The following CSGALNACT1 variants were observed in gnomAD, a reference collection of about 807,000 sequenced individuals.
CSGALNACT1 encodes chondroitin sulfate N-acetylgalactosaminyltransferase 1.
In CSGALNACT1, 52 loss-of-function variants were observed where a neutral mutation model predicts 51.0. The ratio of observed to expected loss-of-function variants is 1.02; its 90% confidence interval spans 0.82 to 1.29. CSGALNACT1 has a LOEUF of 1.29. Among genes scored for constraint, CSGALNACT1 ranks in the 50% most tolerant of loss-of-function variants. CSGALNACT1 has a pLI of 0.00. For missense variants in CSGALNACT1, 935 were observed against 679.2 expected (o/e 1.38, Z -4.19); for synonymous variants, 341 against 254.4 (o/e 1.34, Z -3.24).
intron 5 of CSGALNACT1, among the ~76,000 whole-genome samples, chr8:19,444,673 T>G (rs954933651): frequency 6.6e-6 from 1 of 152,210 alleles, no homozygotes; most frequent in Non-Finnish European, 1.5e-5. Context: ...TGATGACACC[T>G]AAAAGAAATG....
At chr8:19,579,790 T>C (rs1191143763) in intron 3 of CSGALNACT1, among the ~76,000 whole-genome samples, 3 of 152,170 alleles carry the variant, frequency 2.0e-5, no homozygotes, top group Non-Finnish European at 4.4e-5. Context: ...TTGATACAAA[T>C]AGATAATACT....
At chr8:19,431,647 G>C (rs532119768) in intron 6 of CSGALNACT1, among the ~76,000 whole-genome samples, 1 of 152,088 alleles carries the variant, frequency 6.6e-6, no homozygotes, top group East Asian at 1.9e-4. Flanking sequence ...GTCTTTGTCT[G>C]GTTAGGTTAT....
chr8:19,546,249 T>G (rs904579736), intron 3 of CSGALNACT1, among the ~76,000 whole-genome samples: 2 of 152,202 alleles, frequency 1.3e-5, no homozygotes, highest in African/African-American at 4.8e-5. Flanking sequence ...AAAACATGAT[T>G]AATCGTGTTT....
intron 3 of CSGALNACT1, among the ~76,000 whole-genome samples, chr8:19,568,411 T>C (rs6996750): frequency 0.23 from 34,425 of 152,044 alleles, 7,289 homozygotes; most frequent in African/African-American, 0.56. Context: ...TATATGTGAT[T>C]CATCATTGAC....
intron 3 of CSGALNACT1, among the ~76,000 whole-genome samples, chr8:19,555,156 T>A (rs968559056): frequency 1.6e-4 from 24 of 151,744 alleles, no homozygotes; most frequent in African/African-American, 5.8e-4. Context: ...GGAAAATAGC[T>A]TGAACCCAGG....
chr8:19,718,100 G>C (rs1386305273), intron 1 of CSGALNACT1, among the ~76,000 whole-genome samples: 1 of 152,020 alleles, frequency 6.6e-6, no homozygotes, highest in Non-Finnish European at 1.5e-5. Flanking sequence ...AGCATAACAG[G>C]CCTTCTTTTT....
At chr8:19,654,461 A>T (rs11779629) in intron 1 of CSGALNACT1, among the ~76,000 whole-genome samples, 4,191 of 152,318 alleles carry the variant, frequency 0.028, 90 homozygotes, top group Non-Finnish European at 0.044. Context: ...CAACTCCTTA[A>T]TGGTTGAGTG....
intron 1 of CSGALNACT1, among the ~76,000 whole-genome samples, chr8:19,723,841 T>C (rs191368605): frequency 2.6e-5 from 4 of 152,260 alleles, no homozygotes; most frequent in East Asian, 3.9e-4. Flanking sequence ...CAAATGAAAA[T>C]ATAAACAGTT....
At chr8:19,612,668 C>G (rs994541477) in intron 1 of CSGALNACT1, among the ~76,000 whole-genome samples, 1 of 152,018 alleles carries the variant, frequency 6.6e-6, no homozygotes, top group Non-Finnish European at 1.5e-5. Flanking sequence ...ATTCCATTCT[C>G]CTTGTGTAGC....
intron 5 of CSGALNACT1, among the ~76,000 whole-genome samples, chr8:19,451,791 C>G (rs2153802665): frequency 6.6e-6 from 1 of 152,278 alleles, no homozygotes; most frequent in South Asian, 2.1e-4. Flanking sequence ...CAAATTGATG[C>G]TGATGTGGAA....
At chr8:19,613,577 C>T (rs1464346091) in intron 1 of CSGALNACT1, among the ~76,000 whole-genome samples, 1 of 152,188 alleles carries the variant, frequency 6.6e-6, no homozygotes, top group African/African-American at 2.4e-5. Context: ...TCGTTGTTTC[C>T]ACACATGATT....
intron 1 of CSGALNACT1, among the ~76,000 whole-genome samples, chr8:19,668,142 T>C (rs917229754): frequency 7.2e-5 from 11 of 152,226 alleles, no homozygotes; most frequent in Non-Finnish European, 1.5e-4. Context: ...ATAGTTTTCA[T>C]AGATTTTTCC....
intron 1 of CSGALNACT1, among the ~76,000 whole-genome samples, chr8:19,755,743 T>G (rs1324226449): frequency 6.6e-6 from 1 of 152,222 alleles, no homozygotes; most frequent in African/African-American, 2.4e-5. Context: ...AATCCAAATG[T>G]CGGAGATTCT....
At chr8:19,675,533 G>C (rs1407944688) in intron 1 of CSGALNACT1, among the ~76,000 whole-genome samples, 1 of 151,888 alleles carries the variant, frequency 6.6e-6, no homozygotes, top group Non-Finnish European at 1.5e-5. Flanking sequence ...CTGACACCAA[G>C]GCTGGAGTGA....
chr8:19,592,612 G>C (rs964563846), intron 2 of CSGALNACT1, among the ~76,000 whole-genome samples: 2 of 152,096 alleles, frequency 1.3e-5, no homozygotes, highest in African/African-American at 2.4e-5. Context: ...AATTTAGGCA[G>C]ATGTAGTGGT....
At chr8:19,408,159 C>T (rs941039569) in intron 9 of CSGALNACT1, among the ~76,000 whole-genome samples, 2 of 152,138 alleles carry the variant, frequency 1.3e-5, no homozygotes, top group Admixed American at 1.3e-4. Flanking sequence ...AGACTTGCTG[C>T]AAAGCTGCCT....
intron 4 of CSGALNACT1, among the ~76,000 whole-genome samples, chr8:19,487,691 AT>A (rs1302561916): frequency 6.6e-6 from 1 of 151,998 alleles, no homozygotes; most frequent in African/African-American, 2.4e-5. Context: ...TCAACTATTC[AT>A]GGTAGTTTTC....
At chr8:19,605,353 T>C (rs893805664), upstream of CSGALNACT1, among the ~76,000 whole-genome samples, 3 of 152,048 alleles carry the variant, frequency 2.0e-5, no homozygotes, top group African/African-American at 4.8e-5. Flanking sequence ...TGAGAATGAC[T>C]GGAATCTAGG....
In CSGALNACT1 at chr8:19,649,528, T is replaced by C. The variant is rs115281696; in HGVS notation, c.-544+32945A>G. Among the ~76,000 whole-genome samples, 727 of 152,262 alleles carry C rather than the reference T, an allele frequency of 4.8e-3. 5 individuals are homozygous for C. The highest frequency in any genetic ancestry group is 0.016 in the African/African-American group (676 of 41,544). The stretch of plus-strand genomic sequence containing the variant: ...TTAAAGAAATGTTGTCTTAGTCCTA[T>C]GTGTTTACTTGTGTAATTAATCCCT... On this transcript the variant is annotated intron_variant, in intron 1 of 9. Transcript: ENST00000332246.
Sources: gnomAD v4.1 joint callset for allele counts (sites outside exome capture counted in the v4.1 genomes callset) on GRCh38, gnomAD v4.1.1 for gene constraint, MANE v1.5 for transcripts, NCBI Gene and HGNC (gene_info 2026-07-23, HGNC 2026-07-21) for gene names.